The following XKR9 variants were observed in gnomAD, a reference collection of about 807,000 sequenced individuals.
XKR9 encodes the protein XK related 9, also known as XK-related protein 9.
XKR9 carries 32 observed loss-of-function variants against 32.0 expected under a neutral mutation model. That is an observed-to-expected ratio of 1.00 (90% CI 0.76 to 1.34). The LOEUF (loss-of-function observed/expected upper bound fraction) is 1.34, where lower values mean the gene tolerates loss of function less well. Among genes scored for constraint, XKR9 ranks in the 40% most tolerant of loss-of-function variants. The pLI, the probability that XKR9 is intolerant of heterozygous loss-of-function variation, is 0.00. For missense variants in XKR9, 546 were observed against 429.7 expected, an observed-to-expected ratio of 1.27 and a Z score of -2.39; for synonymous variants, 168 against 143.4, an observed-to-expected ratio of 1.17 and a Z score of -1.22.
chr8:71,018,440 A>G, the XKR9 span, among the ~76,000 whole-genome samples: 1 of 152,352 alleles, frequency 6.6e-6, no homozygotes, highest in African/African-American at 2.4e-5. Flanking sequence ...TCTAGGAAGA[A>G]TAAGTTCTGA....
intron 2 of XKR9, among the ~76,000 whole-genome samples, chr8:70,752,690 T>A (rs1391949051): frequency 6.6e-6 from 1 of 152,154 alleles, no homozygotes; most frequent in African/African-American, 2.4e-5. Context: ...TTTTTTCTTG[T>A]GTTGCTCAAG....
intron 3 of XKR9, among the ~76,000 whole-genome samples, chr8:70,698,694 A>G (rs1805388522): frequency 6.6e-6 from 1 of 152,080 alleles, no homozygotes; most frequent in Admixed American, 6.5e-5. Flanking sequence ...GTAGATGTCT[A>G]TTAGGTCCGC....
the XKR9 span, among the ~76,000 whole-genome samples, chr8:70,935,206 T>TAC: frequency 5.3e-4 from 44 of 82,594 alleles, no homozygotes; most frequent in Admixed American, 6.8e-4. Context: ...CATATACATA[T>TAC]ATACACACAC....
the XKR9 span, among the ~76,000 whole-genome samples, chr8:70,858,925 G>A: frequency 0.019 from 2,867 of 152,064 alleles, 82 homozygotes; most frequent in African/African-American, 0.066. Flanking sequence ...TTAGGGAAAT[G>A]TTCCAGGACC....
the XKR9 span, among the ~76,000 whole-genome samples, chr8:70,998,633 G>C: frequency 6.6e-6 from 1 of 152,164 alleles, no homozygotes; most frequent in Non-Finnish European, 1.5e-5. Context: ...AAACTTGTTT[G>C]TGAACAAGAA....
rs913563524 is a variant in XKR9 at position 70,734,897 on chromosome 8, G to C, written c.*473G>C. ...AGGGAAAGCAGAAAACAAATTTTTA[G>C]CATCTGCTGTGCTTTCATCCATGAA... On this transcript the variant is annotated 3_prime_UTR_variant, in exon 5 of 5. Transcript: ENST00000408926. 3 of 152,422 alleles carry C rather than the reference G, an allele frequency of 2.0e-5. No individual in the cohort carries two copies. Among genetic ancestry groups the C allele is most frequent in the Admixed American group, 6.5e-5 (1 of 15,282 alleles). 9.4% of individuals were successfully genotyped at this position (152,422 alleles called of 1,614,324 possible).
chr8:70,785,762 T>C (rs1424572625), intron 2 of XKR9, among the ~76,000 whole-genome samples: 2 of 148,440 alleles, frequency 1.3e-5, no homozygotes, highest in Non-Finnish European at 3.0e-5. Context: ...TATATGTATA[T>C]ATGTGTATAT....
intron 3 of XKR9, among the ~76,000 whole-genome samples, chr8:70,704,371 A>T (rs1805646353): frequency 6.6e-6 from 1 of 152,168 alleles, no homozygotes; most frequent in South Asian, 2.1e-4. Flanking sequence ...AAGACACTGG[A>T]CATTAAAATG....
At chr8:71,046,185 C>G in the XKR9 span, among the ~76,000 whole-genome samples, 30 of 152,256 alleles carry the variant, frequency 2.0e-4, no homozygotes, top group East Asian at 5.6e-3. Flanking sequence ...ATATAATTGT[C>G]ACTACTTTTT....
At chr8:70,862,256 A>T in the XKR9 span, among the ~76,000 whole-genome samples, 10 of 152,064 alleles carry the variant, frequency 6.6e-5, no homozygotes, top group Non-Finnish European at 1.5e-4. Flanking sequence ...AAGCATACTG[A>T]ATGTGAGAGG....
the XKR9 span, among the ~76,000 whole-genome samples, chr8:70,813,626 G>A: frequency 1.3e-5 from 2 of 152,124 alleles, no homozygotes; most frequent in South Asian, 2.1e-4. Flanking sequence ...CAACAAGTGG[G>A]CAAAGGATAT....
intron 3 of XKR9, among the ~76,000 whole-genome samples, chr8:70,696,614 C>T (rs1047749848): frequency 4.8e-5 from 7 of 146,746 alleles, no homozygotes; most frequent in South Asian, 4.4e-4. Context: ...AGTCAGGTAG[C>T]GTGATGCCTC....
At chr8:70,841,340 G>A in the XKR9 span, among the ~76,000 whole-genome samples, 6 of 152,082 alleles carry the variant, frequency 3.9e-5, no homozygotes, top group African/African-American at 1.2e-4. Flanking sequence ...TCTGTTTAAT[G>A]TACAAATCAC....
Position 70,729,415 on chromosome 8 carries a change from TAGTTC to T in XKR9, c.494-4376_494-4372del, listed in dbSNP as rs202067747. 4.6e-3 allele frequency among the ~76,000 whole-genome samples: 702 copies of T among 152,334 alleles called. 19 individuals are homozygous for T. Among genetic ancestry groups the T allele is most frequent in the Admixed American group, 0.038 (574 of 15,296 alleles). ...GAAAAAGATTACTTTAGTTTTCTGA[TAGTTC>T]AGTTAACTCCTGTTCTGCTTGATAT... On this transcript the variant is annotated intron_variant, in intron 4 of 4. Coordinates refer to ENST00000408926, the MANE Select transcript of XKR9 (RefSeq NM_001011720.2).
At chr8:70,906,632 T>C in the XKR9 span, among the ~76,000 whole-genome samples, 18 of 152,336 alleles carry the variant, frequency 1.2e-4, no homozygotes, top group Admixed American at 3.3e-4. Context: ...CTTATCTACA[T>C]AAATTATGTG....
the XKR9 span, among the ~76,000 whole-genome samples, chr8:70,805,660 C>T: frequency 6.6e-6 from 1 of 152,240 alleles, no homozygotes; most frequent in African/African-American, 2.4e-5. Flanking sequence ...AGTGCCTCTT[C>T]AGGCGTGACC....
At chr8:70,781,478 G>T (rs1424010209) in intron 2 of XKR9, among the ~76,000 whole-genome samples, 1 of 150,252 alleles carries the variant, frequency 6.7e-6, no homozygotes, top group African/African-American at 2.4e-5. Flanking sequence ...ATGTGTGATG[G>T]TCAAATCACG....
the XKR9 span, among the ~76,000 whole-genome samples, chr8:70,918,846 C>T: frequency 1.2e-4 from 15 of 123,834 alleles, no homozygotes; most frequent in Non-Finnish European, 9.5e-5. Context: ...GGCGCTGTCT[C>T]GGCTCACTGC....
At chr8:70,826,892 CCTT>C in the XKR9 span, among the ~76,000 whole-genome samples, 15 of 152,018 alleles carry the variant, frequency 9.9e-5, no homozygotes, top group African/African-American at 3.6e-4. Flanking sequence ...AAAAATAACT[CCTT>C]GAGGTTATGT....
Sources: allele counts gnomAD v4.1 joint callset (sites outside exome capture counted in the v4.1 genomes callset), GRCh38; gene constraint gnomAD v4.1.1; transcripts MANE v1.5; gene names NCBI Gene and HGNC (gene_info 2026-07-23, HGNC 2026-07-21).